The following RBM6 variants were observed in gnomAD, a reference collection of about 807,000 sequenced individuals.
RBM6 encodes RNA-binding protein 6.
In RBM6, 23 loss-of-function variants were observed where a neutral mutation model predicts 140.4. That is an observed-to-expected ratio of 0.16 (90% confidence interval 0.12 to 0.23). The LOEUF is 0.23. Ranked by LOEUF, RBM6 falls within the 10% of genes least tolerant of loss-of-function variation. The probability of loss-of-function intolerance (pLI) is 1.00; values close to 1 mark genes in which losing one functional copy is unlikely to be tolerated. For synonymous variants in RBM6, 439 were observed against 475.6 expected (o/e 0.92, Z 1.00); for missense variants, 1,139 against 1,386.7 (o/e 0.82, Z 2.84).
intron 6 of RBM6, among the ~76,000 whole-genome samples, chr3:50,011,839 C>CTTTTTTTTTTTTTTTTT (rs201167549): frequency 7.0e-6 from 1 of 143,690 alleles, no homozygotes. Context: ...TCTTTTCTTT[C>CTTTTTTTTTTTTTTTTT]TTTTTTTTTT....
intron 6 of RBM6, among the ~76,000 whole-genome samples, chr3:50,008,805 C>A (rs2086704616): frequency 6.6e-6 from 1 of 152,130 alleles, no homozygotes; most frequent in Admixed American, 6.6e-5. Context: ...CCCACCTTGG[C>A]CTTTCAAAGT....
At chr3:50,066,117 C>T in intron 16 of RBM6, 125 bp from the exon 17 acceptor site, 2 of 1,051,256 alleles carry the variant, frequency 1.9e-6, no homozygotes, top group South Asian at 1.8e-5. Context: ...AAATGAGCAG[C>T]ATGGCTAGTG....
Position 50,069,928 on chromosome 3 carries a change from GAA to G in RBM6, c.3019-524_3019-523del, listed in dbSNP as rs144444676. Among the ~76,000 whole-genome samples the G allele has an allele frequency of 3.3e-3, 505 of 152,270 alleles. 4 individuals carry two copies. Among genetic ancestry groups the G allele is most frequent in the African/African-American group, 0.012 (494 of 41,550 alleles). ...TACTTTCCCCTGCTTCTCAGAAGGG[GAA>G]AAGACAGCGGAACCAAGCGTGCCAA... On this transcript the variant is annotated intron_variant, in intron 18 of 20. Coordinates refer to ENST00000266022, the MANE Select transcript of RBM6 (RefSeq NM_005777.3).
At chr3:50,020,580 G>A (rs998884289) in intron 6 of RBM6, among the ~76,000 whole-genome samples, 1 of 152,134 alleles carries the variant, frequency 6.6e-6, no homozygotes, top group African/African-American at 2.4e-5. Flanking sequence ...ATCGTTTACA[G>A]TTGTGTGTTA....
At chr3:49,942,293 T>C (rs1473631654) in intron 1 of RBM6, among the ~76,000 whole-genome samples, 2 of 146,302 alleles carry the variant, frequency 1.4e-5, no homozygotes, top group African/African-American at 5.0e-5. Flanking sequence ...ATCGAGACCA[T>C]CCTGGCTAAC....
In RBM6 at chr3:49,997,931, T is replaced by C. The variant is rs148814745; in HGVS notation, c.1484-1509T>C. The stretch of plus-strand genomic sequence containing the variant: ...GAGTTATTAAGCAGAGGAGACTGAT[T>C]TTGTGGTAAGTTTGGAGGGGTTAGT... On this transcript the variant is annotated intron_variant, in intron 5 of 20. Coordinates refer to ENST00000266022, the MANE Select transcript of RBM6 (RefSeq NM_005777.3). 4.0e-3 allele frequency among the ~76,000 whole-genome samples: 606 copies of C among 152,304 alleles called. 6 individuals carry two copies. The highest frequency in any genetic ancestry group is 0.017 in the Middle Eastern group (5 of 294).
chr3:49,973,260 C>CT (rs2084886618), intron 4 of RBM6, among the ~76,000 whole-genome samples: 1 of 152,076 alleles, frequency 6.6e-6, no homozygotes, highest in Admixed American at 6.5e-5. Context: ...TCCTGAGTAG[C>CT]TGGGACCACG....
chr3:50,003,328 A>C (rs1253994212), intron 6 of RBM6, among the ~76,000 whole-genome samples: 2 of 151,062 alleles, frequency 1.3e-5, no homozygotes, highest in African/African-American at 2.4e-5. Context: ...AAAAAAAAAA[A>C]AAAAGTCTTT....
Position 50,031,552 on chromosome 3 carries a change from C to T in RBM6, c.1558-16693C>T, listed in dbSNP as rs147546121. 3.2e-3 allele frequency among the ~76,000 whole-genome samples: 443 copies of T among 137,146 alleles called. 4 individuals are homozygous for T. The highest frequency in any genetic ancestry group is 0.011 in the African/African-American group (414 of 37,142). The allele number at this position is 137,146 out of a possible 152,430, so 90.0% of individuals were successfully genotyped here. A position where few individuals can be genotyped will look rare whatever the true frequency, so the allele number is the denominator to read the frequency against. ...ACAATGAGAACACTTGGACACAGAG[C>T]GGGGAACATCACACACTGGGGCCTG... is the stretch of plus-strand genomic sequence containing the variant. On this transcript the variant is annotated intron_variant, in intron 6 of 20. Coordinates refer to ENST00000266022, the MANE Select transcript of RBM6 (RefSeq NM_005777.3).
chr3:50,048,355 A>G (rs1341165205), intron 7 of RBM6, 36 bp downstream of exon 7: 2 of 1,598,036 alleles, frequency 1.3e-6, no homozygotes, highest in Non-Finnish European at 8.5e-7. Flanking sequence ...AGAAGTAAGT[A>G]TCTGGAATAA....
At chr3:50,053,681 G>C (rs2089576545) in intron 7 of RBM6, among the ~76,000 whole-genome samples, 1 of 152,076 alleles carries the variant, frequency 6.6e-6, no homozygotes, top group African/African-American at 2.4e-5. Flanking sequence ...TGCCAACCAA[G>C]TTTCTGCCCC....
chr3:49,988,603 G>A (rs1377742397), intron 5 of RBM6, among the ~76,000 whole-genome samples: 1 of 152,152 alleles, frequency 6.6e-6, no homozygotes, highest in East Asian at 1.9e-4. Flanking sequence ...CTTACCTTTG[G>A]TGTTTAATTT....
intron 6 of RBM6, among the ~76,000 whole-genome samples, chr3:50,032,089 C>T (rs1235912117): frequency 6.6e-6 from 1 of 152,174 alleles, no homozygotes; most frequent in East Asian, 1.9e-4. Flanking sequence ...AGGAGGGCTG[C>T]AGAACGTCTT....
intron 5 of RBM6, among the ~76,000 whole-genome samples, chr3:49,994,889 A>G (rs921871046): frequency 6.6e-6 from 1 of 152,144 alleles, no homozygotes. Flanking sequence ...GGATTTGGGT[A>G]TGTTCATTGG....
chr3:49,995,215 T>G (rs1056129862), intron 5 of RBM6, among the ~76,000 whole-genome samples: 1 of 152,108 alleles, frequency 6.6e-6, no homozygotes, highest in African/African-American at 2.4e-5. Flanking sequence ...TGAAATTTGT[T>G]ACCTTTATAG....
intron 6 of RBM6, among the ~76,000 whole-genome samples, chr3:50,031,598 G>T (rs1559608575): frequency 6.6e-6 from 1 of 151,806 alleles, no homozygotes; most frequent in Non-Finnish European, 1.5e-5. Context: ...GGGGAGGGGG[G>T]AGTGATAGCA....
intron 1 of RBM6, among the ~76,000 whole-genome samples, chr3:49,945,881 C>CAAAAAAAAAAAAA (rs67271820): frequency 3.2e-5 from 2 of 61,926 alleles, no homozygotes; most frequent in Non-Finnish European, 6.0e-5. Flanking sequence ...GACTCCATCT[C>CAAAAAAAAAAAAA]AAAAAAAAAA....
At chr3:50,046,243 T>G (rs1161198218) in intron 6 of RBM6, among the ~76,000 whole-genome samples, 1 of 112,058 alleles carries the variant, frequency 8.9e-6, no homozygotes, top group South Asian at 2.8e-4. Context: ...ATCGTGCCAC[T>G]GTACTTGAGA....
intron 1 of RBM6, chr3:49,941,003 C>T (rs917641400): frequency 6.7e-6 from 1 of 149,716 alleles, no homozygotes; most frequent in African/African-American, 2.5e-5. Flanking sequence ...TCAGAGTAGC[C>T]GGATTTAAGT....
Sources: gnomAD v4.1 joint callset for allele counts (sites outside exome capture counted in the v4.1 genomes callset) on GRCh38, gnomAD v4.1.1 for gene constraint, MANE v1.5 for transcripts, NCBI Gene and HGNC (gene_info 2026-07-23, HGNC 2026-07-21) for gene names.